ZFAND3: variants seen among roughly 807,000 people sequenced by gnomAD.
The protein encoded by ZFAND3 is zinc finger AN1-type containing 3, also known as AN1-type zinc finger protein 3.
A neutral mutation model predicts 29.6 loss-of-function variants in ZFAND3; 10 were observed. The observed-to-expected ratio is 0.34, with a 90% CI of 0.21 to 0.57. The LOEUF (loss-of-function observed/expected upper bound fraction) is 0.57, where lower values mean the gene tolerates loss of function less well. ZFAND3 is among the 20% of genes least tolerant of loss of function. The probability of loss-of-function intolerance (pLI) is 0.86; values close to 1 mark genes in which losing one functional copy is unlikely to be tolerated. For synonymous variants in ZFAND3, 128 were observed against 112.6 expected (o/e 1.14, Z -0.87); for missense variants, 230 against 304.5 (o/e 0.76, Z 1.82).
rs186845566 is a variant in ZFAND3, at chr6:37,870,180, A to G, written c.71+50164A>G. Reference sequence around the variant, plus strand: ...TGTTGTTAGCTGGGTGTGGTGGCACACGCCTGTAGTCCCAGCTGTTTGTGA... The same window carrying G: ...TGTTGTTAGCTGGGTGTGGTGGCACGCGCCTGTAGTCCCAGCTGTTTGTGA... On this transcript the variant is annotated intron_variant, in intron 1 of 5. Coordinates refer to ENST00000287218, the MANE Select transcript of ZFAND3 (RefSeq NM_021943.3). Among the ~76,000 whole-genome samples the G allele has an allele frequency of 3.6e-4, 54 of 150,784 alleles. No homozygotes were observed. In the East Asian group the frequency reaches 7.1e-3, roughly 20 times the overall value.
intron 5 of ZFAND3, among the ~76,000 whole-genome samples, chr6:38,125,541 A>G (rs1288646271): frequency 6.6e-6 from 1 of 152,128 alleles, no homozygotes; most frequent in Non-Finnish European, 1.5e-5. Flanking sequence ...ATCCCCACCC[A>G]TCCCATACTG....
chr6:37,981,619 G>C (rs912676148), intron 2 of ZFAND3, among the ~76,000 whole-genome samples: 1 of 152,026 alleles, frequency 6.6e-6, no homozygotes, highest in South Asian at 2.1e-4. Context: ...ATATATATGT[G>C]TATGTTTTTG....
At chr6:37,951,130 GACT>G (rs1761990445) in intron 2 of ZFAND3, among the ~76,000 whole-genome samples, 1 of 151,884 alleles carries the variant, frequency 6.6e-6, no homozygotes, top group African/African-American at 2.4e-5. Flanking sequence ...ATTTTTTTGT[GACT>G]ACTATAGAAA....
At chr6:38,030,053 T>C (rs1461247316) in intron 2 of ZFAND3, among the ~76,000 whole-genome samples, 1 of 932 alleles carries the variant, frequency 1.1e-3, no homozygotes, top group African/African-American at 2.6e-3. Flanking sequence ...TTCTGCTGGA[T>C]ATATATATAT....
chr6:38,142,281 G>A (rs1250200059), intron 5 of ZFAND3: 1 of 471,570 alleles, frequency 2.1e-6, no homozygotes, highest in Non-Finnish European at 4.4e-6. Context: ...AGAGAGATGT[G>A]TGGCATTTAT....
chr6:38,007,900 A>G (rs1322889852), intron 2 of ZFAND3, among the ~76,000 whole-genome samples: 4 of 152,148 alleles, frequency 2.6e-5, no homozygotes, highest in African/African-American at 9.7e-5. Flanking sequence ...TGTGGAAGGG[A>G]TAACTTGAAA....
At chr6:38,145,184 T>G (rs1246342230) in intron 5 of ZFAND3, among the ~76,000 whole-genome samples, 3 of 152,166 alleles carry the variant, frequency 2.0e-5, no homozygotes, top group Admixed American at 2.0e-4. Context: ...CCATTCCCTG[T>G]GGCCACTGGG....
chr6:37,963,911 A>C (rs1483914459), intron 2 of ZFAND3, among the ~76,000 whole-genome samples: 1 of 152,212 alleles, frequency 6.6e-6, no homozygotes, highest in Non-Finnish European at 1.5e-5. Flanking sequence ...TTCCTGTACT[A>C]TTCCCAACAT....
intron 1 of ZFAND3, among the ~76,000 whole-genome samples, chr6:37,859,874 T>C (rs1426368952): frequency 6.7e-6 from 1 of 149,784 alleles, no homozygotes; most frequent in Non-Finnish European, 1.5e-5. Context: ...TTTTTTTTTT[T>C]TTCTTTCTTT....
At chr6:38,064,851 T>A (rs1157067474) in intron 3 of ZFAND3, among the ~76,000 whole-genome samples, 1 of 152,150 alleles carries the variant, frequency 6.6e-6, no homozygotes, top group Non-Finnish European at 1.5e-5. Context: ...TCTACAGATC[T>A]AGGGAAATGA....
chr6:37,850,217 T>C (rs1764256958), intron 1 of ZFAND3, among the ~76,000 whole-genome samples: 1 of 152,176 alleles, frequency 6.6e-6, no homozygotes, highest in Non-Finnish European at 1.5e-5. Flanking sequence ...TTTATTTCAG[T>C]TGAAGCTCTT....
chr6:38,054,188 T>A (rs1262467483), intron 2 of ZFAND3, among the ~76,000 whole-genome samples: 1 of 149,280 alleles, frequency 6.7e-6, no homozygotes, highest in Non-Finnish European at 1.5e-5. Context: ...TGAGACCAGC[T>A]TGGGCAACAT....
At chr6:37,873,227 C>T (rs1332185861) in intron 1 of ZFAND3, among the ~76,000 whole-genome samples, 4 of 152,212 alleles carry the variant, frequency 2.6e-5, no homozygotes, top group African/African-American at 9.7e-5. Context: ...GCCGAGATCA[C>T]GCCACTGCAT....
At chr6:38,037,772 G>A (rs1313828247) in intron 2 of ZFAND3, among the ~76,000 whole-genome samples, 1 of 152,202 alleles carries the variant, frequency 6.6e-6, no homozygotes, top group Non-Finnish European at 1.5e-5. Flanking sequence ...AGGCGGGCGT[G>A]TAGGTTATGC....
intron 2 of ZFAND3, among the ~76,000 whole-genome samples, chr6:37,968,143 T>G (rs562585330): frequency 1.3e-3 from 199 of 152,192 alleles, no homozygotes; most frequent in Non-Finnish European, 2.5e-3. Flanking sequence ...TAGAATTGGT[T>G]TTTTGACAAG....
At chr6:37,831,384 G>A (rs928456474) in intron 1 of ZFAND3, among the ~76,000 whole-genome samples, 1 of 152,200 alleles carries the variant, frequency 6.6e-6, no homozygotes, top group Non-Finnish European at 1.5e-5. Context: ...GGCCCCTTTG[G>A]CCATTTTCCA....
At chr6:37,896,578 C>CTTTCTTT (rs772841805) in intron 1 of ZFAND3, among the ~76,000 whole-genome samples, 2 of 76,108 alleles carry the variant, frequency 2.6e-5, no homozygotes, top group African/African-American at 6.2e-5. Flanking sequence ...TTCTCTCTTT[C>CTTTCTTT]TCTCTCTTTC....
At chr6:37,900,729 G>C (rs972084122) in intron 1 of ZFAND3, among the ~76,000 whole-genome samples, 8 of 152,104 alleles carry the variant, frequency 5.3e-5, no homozygotes, top group African/African-American at 1.9e-4. Flanking sequence ...TCAGTAAAGA[G>C]TTCGTCATGG....
At chr6:38,144,198 T>TA (rs1554183953) in intron 5 of ZFAND3, among the ~76,000 whole-genome samples, 2,624 of 39,840 alleles carry the variant, frequency 0.066, 74 homozygotes, top group Non-Finnish European at 0.095. Flanking sequence ...TATATATATA[T>TA]ATATATATAT....
Sources: gnomAD v4.1 joint callset for allele counts (sites outside exome capture counted in the v4.1 genomes callset) on GRCh38, gnomAD v4.1.1 for gene constraint, MANE v1.5 for transcripts, NCBI Gene and HGNC (gene_info 2026-07-23, HGNC 2026-07-21) for gene names.